The following CNKSR3 variants were observed in gnomAD, a reference collection of about 807,000 sequenced individuals.
The protein encoded by CNKSR3 is CNKSR family member 3.
A neutral mutation model predicts 67.7 loss-of-function variants in CNKSR3; 36 were observed. The observed-to-expected ratio is 0.53, with a 90% confidence interval of 0.41 to 0.70. The LOEUF is 0.70. CNKSR3 is among the 30% of genes least tolerant of loss of function. The pLI is 0.00. For missense variants in CNKSR3, 630 were observed against 695.2 expected (o/e 0.91, Z 1.05); for synonymous variants, 281 against 271.4 (o/e 1.04, Z -0.35).
intron 9 of CNKSR3, among the ~76,000 whole-genome samples, chr6:154,417,491 C>T (rs1204308641): frequency 1.3e-5 from 2 of 152,162 alleles, no homozygotes; most frequent in South Asian, 2.1e-4. Context: ...AGGACCACAT[C>T]GCCCTGTAGC....
chr6:154,435,059 A>T (rs1288996074), intron 4 of CNKSR3, among the ~76,000 whole-genome samples: 1 of 149,232 alleles, frequency 6.7e-6, no homozygotes, highest in Non-Finnish European at 1.5e-5. Context: ...CAATGGTGCA[A>T]TCTCAGCTCA....
At position 154,387,680 on chromosome 6, in the gene CNKSR3, A is replaced by G. The variant is rs1469247192; in HGVS notation, c.*18674T>C. On this transcript the variant is annotated 3_prime_UTR_variant, in exon 13 of 13. Transcript: ENST00000607772. ...GTGATATGAACATGCATACATAACA[A>G]TTCTTCTGCTTTTAATGAAACATAA... The G allele has an allele frequency of 6.6e-6, 1 of 152,210 alleles. No homozygotes were observed. Among genetic ancestry groups the G allele is most frequent in the East Asian group, 1.9e-4 (1 of 5,202 alleles). 9.4% of individuals were successfully genotyped at this position (152,210 alleles called of 1,614,324 possible).
intron 1 of CNKSR3, among the ~76,000 whole-genome samples, chr6:154,467,243 G>A (rs948657192): frequency 6.6e-6 from 1 of 152,088 alleles, no homozygotes; most frequent in Non-Finnish European, 1.5e-5. Context: ...CCCGTTTCTT[G>A]TTTTGGAGAG....
At chr6:154,426,204 T>A (rs1206463352) in intron 7 of CNKSR3, among the ~76,000 whole-genome samples, 3 of 152,130 alleles carry the variant, frequency 2.0e-5, no homozygotes, top group Admixed American at 1.3e-4. Context: ...TTCCATACAG[T>A]CCTACATGGG....
At chr6:154,499,939 GTT>G (rs1050106737) in intron 1 of CNKSR3, among the ~76,000 whole-genome samples, 1 of 152,122 alleles carries the variant, frequency 6.6e-6, no homozygotes, top group Non-Finnish European at 1.5e-5. Flanking sequence ...GAGTATTTAT[GTT>G]TTTTTAAATA....
chr6:154,468,393 T>TACAC (rs55806681), intron 1 of CNKSR3, among the ~76,000 whole-genome samples: 22,331 of 137,044 alleles, frequency 0.16, 1,772 homozygotes, highest in Admixed American at 0.22. Context: ...ATATATTTTA[T>TACAC]ACACACACAC....
chr6:154,436,583 G>A (rs1785476682), intron 4 of CNKSR3, among the ~76,000 whole-genome samples: 2 of 152,044 alleles, frequency 1.3e-5, no homozygotes, highest in Admixed American at 6.6e-5. Flanking sequence ...AAACTCCTGG[G>A]CTCAAGAGAT....
intron 2 of CNKSR3, among the ~76,000 whole-genome samples, chr6:154,444,813 G>C (rs1444892387): frequency 6.6e-6 from 1 of 151,982 alleles, no homozygotes; most frequent in African/African-American, 2.4e-5. Context: ...CACCATGTTG[G>C]CCAGGGTGGT....
At chr6:154,414,035 G>A (rs940789654) in intron 10 of CNKSR3, among the ~76,000 whole-genome samples, 2 of 151,804 alleles carry the variant, frequency 1.3e-5, no homozygotes, top group African/African-American at 4.8e-5. Flanking sequence ...AGGTGTGAGC[G>A]ACCACACCTG....
chr6:154,402,344 T>C lies in CNKSR3; in HGVS notation c.*4010A>G, dbSNP rs1784728416. ...ATATTCATATAGATGGGAACTCAGT[T>C]TACAATAACAAATCTATGATCTCAT... On this transcript the variant is annotated 3_prime_UTR_variant, in exon 13 of 13. Coordinates refer to ENST00000607772, the MANE Select transcript of CNKSR3 (RefSeq NM_173515.4). The C allele has an allele frequency of 6.6e-6, 1 of 152,192 alleles. No individual in the cohort carries two copies. Among genetic ancestry groups the C allele is most frequent in the Admixed American group, 6.5e-5 (1 of 15,274 alleles). The allele number at this position is 152,192 out of a possible 1,614,324, so 9.4% of individuals were successfully genotyped here. A position where few individuals can be genotyped will look rare whatever the true frequency, so the allele number is the denominator to read the frequency against.
Position 154,405,748 on chromosome 6 carries a change from A to G in CNKSR3, c.*606T>C, listed in dbSNP as rs1784774532. Reference sequence around the variant, plus strand: ...AAATGTGTTCATGTATTTCTGTACCAACTGATCTATACTGAGACTGTCATG... The same window carrying G: ...AAATGTGTTCATGTATTTCTGTACCGACTGATCTATACTGAGACTGTCATG... On this transcript the variant is annotated 3_prime_UTR_variant, in exon 13 of 13. Transcript: ENST00000607772. 1 of 152,504 alleles carries G rather than the reference A, an allele frequency of 6.6e-6. No individual in the cohort carries two copies. The highest frequency in any genetic ancestry group is 6.5e-5 in the Admixed American group (1 of 15,296). 9.4% of individuals were successfully genotyped at this position (152,504 alleles called of 1,614,324 possible).
chr6:154,490,362 AAAAT>A (rs948726938), intron 1 of CNKSR3, among the ~76,000 whole-genome samples: 12 of 152,192 alleles, frequency 7.9e-5, no homozygotes, highest in Middle Eastern at 3.2e-3. Flanking sequence ...TGAGCCCTAA[AAAAT>A]AAATACACAT....
chr6:154,432,465 T>TGG (rs1785389748), intron 5 of CNKSR3, among the ~76,000 whole-genome samples: 1 of 152,232 alleles, frequency 6.6e-6, no homozygotes, highest in South Asian at 2.1e-4. Context: ...TCCCAGTCTG[T>TGG]GGCTTGTCTT....
chr6:154,425,329 T>A (rs1785234663), intron 7 of CNKSR3, among the ~76,000 whole-genome samples: 1 of 152,208 alleles, frequency 6.6e-6, no homozygotes, highest in Non-Finnish European at 1.5e-5. Context: ...TGAATTGACT[T>A]CCCTTCCTAA....
At chr6:154,442,029 C>A in intron 3 of CNKSR3, 59 bp downstream of exon 3, 1 of 1,437,950 alleles carries the variant, frequency 7.0e-7, no homozygotes, top group South Asian at 1.4e-5. Context: ...GTACAGCTTC[C>A]ATGCAGCTTG....
chr6:154,429,797 C>T (rs2128715295), intron 6 of CNKSR3, among the ~76,000 whole-genome samples: 1 of 152,192 alleles, frequency 6.6e-6, no homozygotes, highest in South Asian at 2.1e-4. Flanking sequence ...GTACTATATG[C>T]TTGGTGCCTG....
At chr6:154,414,235 C>A in intron 10 of CNKSR3, 64 bp downstream of exon 10, 1 of 1,500,974 alleles carries the variant, frequency 6.7e-7, no homozygotes, top group South Asian at 1.4e-5. Context: ...CCTCTTTTCA[C>A]ACCACCATTT....
Position 154,507,273 on chromosome 6 carries a change from C to T in CNKSR3, c.52+2790G>A, listed in dbSNP as rs536659574. Among the ~76,000 whole-genome samples the T allele has an allele frequency of 3.9e-5, 6 of 152,322 alleles. No individual in the cohort carries two copies. The East Asian group carries it at 7.7e-4, about 20-fold the overall frequency. On this transcript the variant is annotated intron_variant, in intron 1 of 12. Transcript: ENST00000607772. ...AGACAAGAACTTCTTTCCTAAGGCA[C>T]ACATCTGTCAAATAACAAGGAGGTG...
rs1787192282 is a variant in CNKSR3 at position 154,510,399 on chromosome 6, G to A, written c.-285C>T. ...CTGCTCCCGAGCGACGGCAGCTGCA[G>A]GCACGCCGGGCTGCGACCCCAGACC... is the stretch of plus-strand genomic sequence containing the variant. On this transcript the variant is annotated 5_prime_UTR_variant, in exon 1 of 13. Coordinates refer to ENST00000607772, the MANE Select transcript of CNKSR3 (RefSeq NM_173515.4). The A allele has an allele frequency of 2.0e-6, 1 of 489,696 alleles. No homozygotes were observed. Among genetic ancestry groups the A allele is most frequent in the East Asian group, 4.1e-5 (1 of 24,602 alleles). The allele number at this position is 489,696 out of a possible 1,614,324, so 30.3% of individuals were successfully genotyped here. A position where few individuals can be genotyped will look rare whatever the true frequency, so the allele number is the denominator to read the frequency against.
Sources: gnomAD v4.1 joint callset for allele counts (sites outside exome capture counted in the v4.1 genomes callset) on GRCh38, gnomAD v4.1.1 for gene constraint, MANE v1.5 for transcripts, NCBI Gene and HGNC (gene_info 2026-07-23, HGNC 2026-07-21) for gene names.